OR9Q1: variants seen among roughly 807,000 people sequenced by gnomAD.
OR9Q1 encodes the protein olfactory receptor family 9 subfamily Q member 1.
For missense variants in OR9Q1, 374 were observed against 378.8 expected (o/e 0.99, Z 0.11); for synonymous variants, 153 against 148.6 (o/e 1.03, Z -0.22).
chr11:58,027,640 T>A (rs1852988521), intron 1 of OR9Q1, among the ~76,000 whole-genome samples: 1 of 152,132 alleles, frequency 6.6e-6, no homozygotes, highest in Admixed American at 6.5e-5. Flanking sequence ...CTGCCAGCTG[T>A]TGGCTCTATG....
intron 2 of OR9Q1, among the ~76,000 whole-genome samples, chr11:58,168,767 ATATTT>A (rs1469901492): frequency 6.6e-6 from 1 of 152,048 alleles, no homozygotes; most frequent in Admixed American, 6.6e-5. Context: ...GGTTGTGTGT[ATATTT>A]TATTTATTTT....
chr11:58,043,657 T>C (rs1421325065), intron 1 of OR9Q1, among the ~76,000 whole-genome samples: 1 of 152,238 alleles, frequency 6.6e-6, no homozygotes, highest in African/African-American at 2.4e-5. Context: ...TTATGCTTCA[T>C]TGCCTTTGAA....
chr11:58,111,127 C>T (rs1236249920), intron 2 of OR9Q1, among the ~76,000 whole-genome samples: 1 of 152,178 alleles, frequency 6.6e-6, no homozygotes, highest in Non-Finnish European at 1.5e-5. Flanking sequence ...AACAACTCCA[C>T]TAATGTGTGG....
In OR9Q1 at chr11:58,143,022, A is replaced by G. The variant is rs183525692; in HGVS notation, c.-14-36409A>G. ...TAACAGTGTTTGTTCTTTATGGCTC[A>G]CTGTCTGGCATACAAATCCATTGTG... On this transcript the variant is annotated intron_variant, in intron 2 of 2. Transcript: ENST00000335397. 3.8e-3 allele frequency among the ~76,000 whole-genome samples: 584 copies of G among 152,302 alleles called. 17 individuals carry two copies. Among genetic ancestry groups the G allele is most frequent in the Admixed American group, 0.037 (566 of 15,284 alleles).
At chr11:58,048,779 A>G (rs1403913118) in intron 1 of OR9Q1, among the ~76,000 whole-genome samples, 1 of 137,304 alleles carries the variant, frequency 7.3e-6, no homozygotes, top group Non-Finnish European at 1.6e-5. Context: ...CACCGATCCC[A>G]CAGAAATACA....
chr11:58,042,464 G>A (rs563487107), intron 1 of OR9Q1, among the ~76,000 whole-genome samples: 94 of 151,666 alleles, frequency 6.2e-4, no homozygotes, highest in South Asian at 1.3e-3. Flanking sequence ...GTAGATATGC[G>A]GCGTTATTTC....
chr11:58,165,959 C>A (rs1854500589), intron 2 of OR9Q1, among the ~76,000 whole-genome samples: 1 of 152,186 alleles, frequency 6.6e-6, no homozygotes, highest in South Asian at 2.1e-4. Flanking sequence ...ACCCAGGTTT[C>A]TCTACATTTA....
intron 1 of OR9Q1, among the ~76,000 whole-genome samples, chr11:58,040,281 A>G (rs564850712): frequency 1.3e-4 from 20 of 151,006 alleles, no homozygotes; most frequent in African/African-American, 3.6e-4. Context: ...TGTTTCATAC[A>G]GTTTCTTGTT....
At chr11:58,175,000 G>C (rs1854590438) in intron 2 of OR9Q1, among the ~76,000 whole-genome samples, 2 of 150,814 alleles carry the variant, frequency 1.3e-5, no homozygotes, top group Non-Finnish European at 1.5e-5. Context: ...CAGCTACTAG[G>C]GTGGCTGAGG....
intron 2 of OR9Q1, among the ~76,000 whole-genome samples, chr11:58,084,283 A>G (rs1009197389): frequency 1.3e-5 from 2 of 151,742 alleles, no homozygotes; most frequent in Admixed American, 1.3e-4. Context: ...CATGCTACTG[A>G]TTTTTGTATA....
At chr11:58,169,190 A>G (rs1854532806) in intron 2 of OR9Q1, among the ~76,000 whole-genome samples, 1 of 152,102 alleles carries the variant, frequency 6.6e-6, no homozygotes, top group African/African-American at 2.4e-5. Context: ...TTGTTCTCAT[A>G]TAGGTCACTT....
chr11:58,056,577 C>G (rs1853330175), intron 2 of OR9Q1, among the ~76,000 whole-genome samples: 1 of 152,166 alleles, frequency 6.6e-6, no homozygotes, highest in Non-Finnish European at 1.5e-5. Flanking sequence ...TTGTTGAACA[C>G]AGTCAGATTG....
intron 2 of OR9Q1, among the ~76,000 whole-genome samples, chr11:58,164,634 G>T (rs1380694295): frequency 6.6e-6 from 1 of 152,164 alleles, no homozygotes. Flanking sequence ...CACAGTGACT[G>T]TTTCACATTG....
At chr11:58,127,240 G>A (rs1006085826) in intron 2 of OR9Q1, among the ~76,000 whole-genome samples, 1 of 152,098 alleles carries the variant, frequency 6.6e-6, no homozygotes, top group Non-Finnish European at 1.5e-5. Flanking sequence ...ATGAGCCACC[G>A]TGCCCGGCCT....
At chr11:58,058,215 T>C (rs1368858833) in intron 2 of OR9Q1, among the ~76,000 whole-genome samples, 1 of 152,202 alleles carries the variant, frequency 6.6e-6, no homozygotes, top group Non-Finnish European at 1.5e-5. Flanking sequence ...CAAGTTCTGA[T>C]AGGCAACCCA....
Position 58,031,119 on chromosome 11 carries a change from G to A in OR9Q1, c.-93+7015G>A, listed in dbSNP as rs1020473036. On this transcript the variant is annotated intron_variant, in intron 1 of 2. Coordinates refer to ENST00000335397, the MANE Select transcript of OR9Q1 (RefSeq NM_001005212.4). ...ATTTTAGTGGTGGGTTTGGACCACC[G>A]ACTACGGAGACCCATGTATTTCTTC... 25 of 1,614,056 alleles carry A rather than the reference G, an allele frequency of 1.5e-5. No individual in the cohort carries two copies. In the South Asian group the frequency reaches 2.4e-4, roughly 16 times the overall value.
intron 2 of OR9Q1, among the ~76,000 whole-genome samples, chr11:58,162,897 G>T (rs1397661930): frequency 6.6e-6 from 1 of 152,088 alleles, no homozygotes; most frequent in Non-Finnish European, 1.5e-5. Flanking sequence ...TGTTCTGAAA[G>T]GTCAAAGGTA....
intron 2 of OR9Q1, among the ~76,000 whole-genome samples, chr11:58,165,546 G>A (rs762453976): frequency 1.7e-4 from 26 of 152,116 alleles, no homozygotes; most frequent in Non-Finnish European, 2.9e-4. Context: ...TTTTGGAAGC[G>A]CACAAACCAC....
At chr11:58,053,426 C>G (rs1853288007) in intron 1 of OR9Q1, among the ~76,000 whole-genome samples, 1 of 109,416 alleles carries the variant, frequency 9.1e-6, no homozygotes, top group Admixed American at 1.3e-4. Flanking sequence ...GGAAGGGGCA[C>G]ATCACACTCT....
Sources: allele counts gnomAD v4.1 joint callset (sites outside exome capture counted in the v4.1 genomes callset), GRCh38; gene constraint gnomAD v4.1.1; transcripts MANE v1.5; gene names NCBI Gene and HGNC (gene_info 2026-07-23, HGNC 2026-07-21).